The following NFIA variants were observed in gnomAD, a reference collection of about 807,000 sequenced individuals.
NFIA encodes nuclear factor 1 A-type.
A neutral mutation model predicts 62.8 loss-of-function variants in NFIA; 8 were observed. The observed-to-expected ratio is 0.13, with a 90% confidence interval of 0.07 to 0.23. NFIA has a LOEUF of 0.23. Ranked by LOEUF, NFIA falls within the 10% of genes least tolerant of loss-of-function variation. The pLI is 1.00. For synonymous variants in NFIA, 235 were observed against 238.1 expected, an observed-to-expected ratio of 0.99 and a Z score of 0.12; for missense variants, 410 against 642.1, an observed-to-expected ratio of 0.64 and a Z score of 3.91.
rs60042926 is a variant in NFIA, at chr1:61,458,211, GAAAA to G, written c.*2899_*2902del. ...TAAAAAATGAAAAAAAGGAAAAAAA[GAAAA>G]AAAAAAAGAAAAAATAGCAGCTTTC... On this transcript the variant is annotated 3_prime_UTR_variant, in exon 11 of 11. Coordinates refer to ENST00000403491, the MANE Select transcript of NFIA (RefSeq NM_001134673.4). 1.5e-5 allele frequency: 2 copies of G among 134,510 alleles called. No individual in the cohort carries two copies. Among genetic ancestry groups the G allele is most frequent in the African/African-American group, 2.6e-5 (1 of 37,774 alleles). 8.3% of individuals were successfully genotyped at this position (134,510 alleles called of 1,614,324 possible). A position where few individuals can be genotyped will look rare whatever the true frequency, so the allele number is the denominator to read the frequency against.
intron 2 of NFIA, among the ~76,000 whole-genome samples, chr1:61,215,527 C>T (rs543144774): frequency 6.6e-6 from 1 of 152,034 alleles, no homozygotes; most frequent in South Asian, 2.1e-4. Flanking sequence ...AAATTCAGTT[C>T]CTTCTGTAGC....
chr1:61,328,914 G>A (rs1012248944), intron 3 of NFIA, among the ~76,000 whole-genome samples: 11 of 145,934 alleles, frequency 7.5e-5, no homozygotes, highest in Admixed American at 5.6e-4. Context: ...GTAGAGACAG[G>A]GTTTCACCAT....
At chr1:61,305,859 T>G (rs1659743585) in intron 3 of NFIA, among the ~76,000 whole-genome samples, 2 of 150,580 alleles carry the variant, frequency 1.3e-5, no homozygotes, top group East Asian at 1.9e-4. Context: ...TTTTTTTTTT[T>G]TTTTCTGAGA....
chr1:61,181,983 G>A (rs990128445), intron 2 of NFIA, among the ~76,000 whole-genome samples: 1 of 152,122 alleles, frequency 6.6e-6, no homozygotes, highest in African/African-American at 2.4e-5. Context: ...TTAAGTGAAT[G>A]CACTTGGGAA....
At chr1:61,180,398 T>A (rs1018838466) in intron 2 of NFIA, among the ~76,000 whole-genome samples, 4 of 152,216 alleles carry the variant, frequency 2.6e-5, no homozygotes, top group African/African-American at 9.7e-5. Flanking sequence ...TAATTCTTCC[T>A]CTTTGGGTTT....
intron 2 of NFIA, among the ~76,000 whole-genome samples, chr1:61,268,419 C>T (rs1475850329): frequency 2.0e-5 from 3 of 152,030 alleles, no homozygotes; most frequent in African/African-American, 7.2e-5. Flanking sequence ...TGCCCCCACC[C>T]CCCGACACCA....
intron 2 of NFIA, among the ~76,000 whole-genome samples, chr1:61,110,056 A>C (rs1646668997): frequency 6.6e-6 from 1 of 151,888 alleles, no homozygotes; most frequent in Non-Finnish European, 1.5e-5. Context: ...AAAGAGAGAG[A>C]GATAAGGGGG....
At chr1:61,349,079 CCCCA>C (rs1459556127) in intron 4 of NFIA, among the ~76,000 whole-genome samples, 3 of 152,080 alleles carry the variant, frequency 2.0e-5, no homozygotes, top group African/African-American at 7.2e-5. Flanking sequence ...GACTAATCTC[CCCCA>C]CCCTTCCTCC....
At chr1:61,341,782 A>C (rs1661931299) in intron 4 of NFIA, among the ~76,000 whole-genome samples, 2 of 152,212 alleles carry the variant, frequency 1.3e-5, no homozygotes, top group Admixed American at 1.3e-4. Flanking sequence ...CCAGCTAATA[A>C]TGTGCTTTTT....
chr1:61,092,559 A>G (rs371604424), intron 2 of NFIA, among the ~76,000 whole-genome samples: 3 of 152,058 alleles, frequency 2.0e-5, no homozygotes, highest in Admixed American at 2.0e-4. Flanking sequence ...AACCTACTCA[A>G]CAGTATTACT....
chr1:61,233,679 A>C (rs1654812193), intron 2 of NFIA, among the ~76,000 whole-genome samples: 1 of 152,220 alleles, frequency 6.6e-6, no homozygotes, highest in African/African-American at 2.4e-5. Flanking sequence ...TATCTGTAAA[A>C]TTGGGATGAT....
intron 5 of NFIA, among the ~76,000 whole-genome samples, chr1:61,355,758 A>AT (rs78010945): frequency 3.3e-5 from 5 of 151,570 alleles, no homozygotes; most frequent in Non-Finnish European, 5.9e-5. Flanking sequence ...TTTAAAAAAT[A>AT]TTTTTTTTTG....
At chr1:61,146,105 T>G (rs1438470037) in intron 2 of NFIA, among the ~76,000 whole-genome samples, 1 of 152,188 alleles carries the variant, frequency 6.6e-6, no homozygotes, top group African/African-American at 2.4e-5. Flanking sequence ...TCCTTGGGCC[T>G]TCCAGCATCT....
chr1:61,386,713 CTT>C (rs1664704648), intron 7 of NFIA, among the ~76,000 whole-genome samples: 1 of 152,196 alleles, frequency 6.6e-6, no homozygotes, highest in African/African-American at 2.4e-5. Flanking sequence ...AAATCTCTCT[CTT>C]AAGATTGCAA....
At position 61,226,070 on chromosome 1, in the gene NFIA, C is replaced by A. The variant is rs554597902; in HGVS notation, c.560-51450C>A. Reference sequence around the variant, plus strand: ...AAACTAAAATGAAACAGTGGACATACAACAAACATGTGTAACAGAAGAAAA... The same window carrying A: ...AAACTAAAATGAAACAGTGGACATAAAACAAACATGTGTAACAGAAGAAAA... On this transcript the variant is annotated intron_variant, in intron 2 of 10. Transcript: ENST00000403491. Among the ~76,000 whole-genome samples the A allele has an allele frequency of 7.9e-5, 12 of 152,254 alleles. No homozygotes were observed. In the East Asian group the frequency reaches 2.3e-3, roughly 29 times the overall value.
At chr1:61,240,464 G>C (rs1655277739) in intron 2 of NFIA, among the ~76,000 whole-genome samples, 1 of 151,916 alleles carries the variant, frequency 6.6e-6, no homozygotes, top group Non-Finnish European at 1.5e-5. Context: ...AACTATAAGA[G>C]TAGGTTCACA....
At chr1:61,294,353 G>A (rs1034705067) in intron 3 of NFIA, among the ~76,000 whole-genome samples, 9 of 152,190 alleles carry the variant, frequency 5.9e-5, no homozygotes, top group Non-Finnish European at 1.2e-4. Flanking sequence ...GCATCCAATA[G>A]CAGATTCATT....
intron 2 of NFIA, among the ~76,000 whole-genome samples, chr1:61,240,248 T>C (rs1359824174): frequency 6.6e-6 from 1 of 152,134 alleles, no homozygotes; most frequent in East Asian, 1.9e-4. Context: ...TTGTTATTAA[T>C]GGATGGCTTT....
chr1:61,174,417 CT>C (rs761214398), intron 2 of NFIA, among the ~76,000 whole-genome samples: 1 of 152,182 alleles, frequency 6.6e-6, no homozygotes, highest in Non-Finnish European at 1.5e-5. Flanking sequence ...ATCAAATGGA[CT>C]TTTAATGGAA....
Sources: gnomAD v4.1 joint callset for allele counts (sites outside exome capture counted in the v4.1 genomes callset) on GRCh38, gnomAD v4.1.1 for gene constraint, MANE v1.5 for transcripts, NCBI Gene and HGNC (gene_info 2026-07-23, HGNC 2026-07-21) for gene names.